The following NFIA variants were observed in gnomAD, a reference collection of about 807,000 sequenced individuals.
The protein encoded by NFIA is nuclear factor I A, also known as nuclear factor 1 A-type.
In NFIA, 8 loss-of-function variants were observed where a neutral mutation model predicts 62.8. That is an observed-to-expected ratio of 0.13 (90% CI 0.07 to 0.23). The LOEUF (loss-of-function observed/expected upper bound fraction) is 0.23, where lower values mean the gene tolerates loss of function less well. Among genes scored for constraint, NFIA ranks in the 10% least tolerant of loss-of-function variants. NFIA has a pLI of 1.00. For missense variants in NFIA, 410 were observed against 642.1 expected (o/e 0.64, Z 3.91); for synonymous variants, 235 against 238.1 (o/e 0.99, Z 0.12).
Position 61,456,809 on chromosome 1 carries a change from A to C in NFIA, c.*1489A>C, listed in dbSNP as rs1668326253. ...CTGTATCTTATGAAAAAAAAAACAA[A>C]AAACAAAAACAAAAAAAAAACACAA... On this transcript the variant is annotated 3_prime_UTR_variant, in exon 11 of 11. Transcript: ENST00000403491. 7.1e-6 allele frequency: 1 copy of C among 140,760 alleles called. No homozygotes were observed. Among genetic ancestry groups the C allele is most frequent in the Admixed American group, 6.8e-5 (1 of 14,616 alleles). The allele number at this position is 140,760 out of a possible 1,614,324, so 8.7% of individuals were successfully genotyped here.
chr1:61,353,855 A>G (rs1662685306), intron 5 of NFIA, among the ~76,000 whole-genome samples: 1 of 152,234 alleles, frequency 6.6e-6, no homozygotes, highest in Non-Finnish European at 1.5e-5. Context: ...CATCCAAAGT[A>G]TATTTATAAT....
At chr1:61,409,726 A>AT (rs1328464506) in intron 9 of NFIA, among the ~76,000 whole-genome samples, 1 of 152,174 alleles carries the variant, frequency 6.6e-6, no homozygotes, top group African/African-American at 2.4e-5. Flanking sequence ...CCCTTCCTAC[A>AT]TATGGTCCGC....
chr1:61,164,695 C>T (rs911974205), intron 2 of NFIA, among the ~76,000 whole-genome samples: 11 of 152,152 alleles, frequency 7.2e-5, no homozygotes, highest in Admixed American at 2.6e-4. Flanking sequence ...CTCCTGACCT[C>T]ATGATCTGCC....
chr1:61,449,174 T>TG (rs1226704703), intron 10 of NFIA, among the ~76,000 whole-genome samples: 1 of 152,214 alleles, frequency 6.6e-6, no homozygotes, highest in Non-Finnish European at 1.5e-5. Context: ...CCGTCGGAAC[T>TG]GCCTGGAGTG....
Position 61,426,484 on chromosome 1 carries a change from C to T in NFIA, c.1440C>T (p.Thr480=). The part of the protein sequence containing the change: ...PTSPTYSTPS[T]SPANRFVSVG... Reference sequence around the variant, plus strand: ...TCACAGCCTACTCGACACCCAGCACCTCCCCCGCAAACCGATTCGTCAGTG... The same window carrying T: ...TCACAGCCTACTCGACACCCAGCACTTCCCCCGCAAACCGATTCGTCAGTG... The change falls in exon 10 of 11, where the codon ACC becomes ACT. Residue 480 remains threonine (T), a synonymous_variant. Coordinates refer to ENST00000403491, the MANE Select transcript of NFIA (RefSeq NM_001134673.4). 6.4e-7 allele frequency: 1 copy of T among 1,551,974 alleles called. No homozygotes were observed. The highest frequency in any genetic ancestry group is 8.7e-7 in the Non-Finnish European group (1 of 1,147,028).
intron 7 of NFIA, among the ~76,000 whole-genome samples, chr1:61,402,700 G>C (rs2100518846): frequency 6.6e-6 from 1 of 152,264 alleles, no homozygotes; most frequent in Admixed American, 6.5e-5. Flanking sequence ...CCCATAGTAG[G>C]AGCCTATGAA....
At chr1:61,283,592 A>AAAAAAAAAAAAG (rs1479822612) in intron 3 of NFIA, among the ~76,000 whole-genome samples, 1 of 142,118 alleles carries the variant, frequency 7.0e-6, no homozygotes, top group Admixed American at 6.9e-5. Flanking sequence ...AAAAAAAAAA[A>AAAAAAAAAAAAG]AAAAAAAAAA....
intron 2 of NFIA, among the ~76,000 whole-genome samples, chr1:61,228,143 T>G (rs990409184): frequency 6.6e-6 from 1 of 152,166 alleles, no homozygotes; most frequent in Admixed American, 6.5e-5. Flanking sequence ...TTTCTGAAGG[T>G]TTTTTTAAAC....
intron 2 of NFIA, among the ~76,000 whole-genome samples, chr1:61,145,701 A>G (rs1020449559): frequency 3.9e-5 from 6 of 152,100 alleles, no homozygotes; most frequent in Admixed American, 6.6e-5. Context: ...TCACATGTTA[A>G]TTTCCTGCAC....
chr1:61,267,503 C>A (rs1055240700), intron 2 of NFIA, among the ~76,000 whole-genome samples: 2 of 151,742 alleles, frequency 1.3e-5, no homozygotes, highest in Non-Finnish European at 2.9e-5. Context: ...AGGGAGACTT[C>A]GTCTCAAGAA....
chr1:61,122,286 T>C (rs1342630361), intron 2 of NFIA, among the ~76,000 whole-genome samples: 1 of 152,222 alleles, frequency 6.6e-6, no homozygotes, highest in Non-Finnish European at 1.5e-5. Context: ...CAAGAGAAGA[T>C]GGCAATCCGG....
chr1:61,310,283 A>C (rs1226256744), intron 3 of NFIA, among the ~76,000 whole-genome samples: 1 of 152,234 alleles, frequency 6.6e-6, no homozygotes, highest in Non-Finnish European at 1.5e-5. Context: ...ACTGGAGATA[A>C]AGGGGCTCAA....
chr1:61,092,809 A>T (rs1269752266), intron 2 of NFIA, among the ~76,000 whole-genome samples: 1 of 152,170 alleles, frequency 6.6e-6, no homozygotes, highest in Non-Finnish European at 1.5e-5. Flanking sequence ...GGTCATGTTG[A>T]CAGATTGAGA....
intron 3 of NFIA, among the ~76,000 whole-genome samples, chr1:61,327,784 G>A (rs1661033738): frequency 6.6e-6 from 1 of 152,160 alleles, no homozygotes; most frequent in South Asian, 2.1e-4. Flanking sequence ...GTACCAAGTA[G>A]TGGGATTGCT....
intron 5 of NFIA, among the ~76,000 whole-genome samples, chr1:61,354,958 G>A (rs1662751586): frequency 6.6e-6 from 1 of 152,128 alleles, no homozygotes. Context: ...TTACAATCTA[G>A]TGGTAGAGAC....
chr1:61,268,004 T>C (rs1027021938), intron 2 of NFIA, among the ~76,000 whole-genome samples: 8 of 152,166 alleles, frequency 5.3e-5, no homozygotes, highest in African/African-American at 1.4e-4. Context: ...TGATCCAGTA[T>C]CATTTCCCCT....
intron 2 of NFIA, among the ~76,000 whole-genome samples, chr1:61,211,185 G>A (rs1362404692): frequency 6.6e-6 from 1 of 152,118 alleles, no homozygotes; most frequent in Non-Finnish European, 1.5e-5. Context: ...ACATTCTAGG[G>A]GCTTTGCCCT....
chr1:61,191,527 G>GCA (rs1437611196), intron 2 of NFIA, among the ~76,000 whole-genome samples: 1 of 152,028 alleles, frequency 6.6e-6, no homozygotes, highest in Non-Finnish European at 1.5e-5. Flanking sequence ...CCCATTACAG[G>GCA]CACCAATTCA....
chr1:61,383,084 G>A (rs1384394772), intron 6 of NFIA, among the ~76,000 whole-genome samples, 153 bp from the exon 7 acceptor site: 1 of 152,206 alleles, frequency 6.6e-6, no homozygotes, highest in African/African-American at 2.4e-5. Flanking sequence ...CTTTGTTTCT[G>A]TGACAAATGC....
Sources: allele counts gnomAD v4.1 joint callset (sites outside exome capture counted in the v4.1 genomes callset), GRCh38; gene constraint gnomAD v4.1.1; transcripts MANE v1.5; gene names NCBI Gene and HGNC (gene_info 2026-07-23, HGNC 2026-07-21).